The following SP6 variants were observed in gnomAD, a reference collection of about 807,000 sequenced individuals.
SP6 encodes the protein Sp6 transcription factor, also known as transcription factor Sp6.
In SP6, 10 loss-of-function variants were observed where a neutral mutation model predicts 23.4. That is an observed-to-expected ratio of 0.43 (90% confidence interval 0.26 to 0.72). The LOEUF (loss-of-function observed/expected upper bound fraction) is 0.72. Ranked by LOEUF, SP6 falls within the 30% of genes least tolerant of loss-of-function variation. The pLI, the probability that SP6 is intolerant of heterozygous loss-of-function variation, is 0.23. For missense variants in SP6, 482 were observed against 523.8 expected, an observed-to-expected ratio of 0.92 and a Z score of 0.78; for synonymous variants, 238 against 238.7, an observed-to-expected ratio of 1.00 and a Z score of 0.03.
chr17:47,858,767 C>CTTTTTT (rs36092685), upstream of SP6, among the ~76,000 whole-genome samples: 144 of 92,662 alleles, frequency 1.6e-3, 40 homozygotes, highest in South Asian at 3.1e-3. Context: ...GATGAAGCAT[C>CTTTTTT]TTTTTTTTTT....
the SP6 span, among the ~76,000 whole-genome samples, chr17:47,873,090 G>A: frequency 7.2e-4 from 110 of 152,338 alleles, no homozygotes; most frequent in African/African-American, 2.6e-3. Flanking sequence ...CAGAGCTCTG[G>A]CCTAGACCTG....
chr17:47,844,991 G>C lies in SP6; in HGVS notation c.*2308C>G, dbSNP rs556958939. On this transcript the variant is annotated 3_prime_UTR_variant, in exon 2 of 2. Transcript: ENST00000536300. ...ACCCCCTCAAAGTGAGTTCACAGCA[G>C]TTAAAGAAAAAATAAATTCCTACAT... 3 of 152,694 alleles carry C rather than the reference G, an allele frequency of 2.0e-5. No homozygotes were observed. The South Asian group carries it at 6.2e-4, about 32-fold the overall frequency. The allele number at this position is 152,694 out of a possible 1,614,324, so 9.5% of individuals were successfully genotyped here.
chr17:47,845,588 G>T lies in SP6; in HGVS notation c.*1711C>A, dbSNP rs1463694474. The T allele has an allele frequency of 2.0e-5, 3 of 152,492 alleles. No homozygotes were observed. Among genetic ancestry groups the T allele is most frequent in the East Asian group, 3.9e-4 (2 of 5,184 alleles). 9.4% of individuals were successfully genotyped at this position (152,492 alleles called of 1,614,324 possible). A position where few individuals can be genotyped will look rare whatever the true frequency, so the allele number is the denominator to read the frequency against. On this transcript the variant is annotated 3_prime_UTR_variant, in exon 2 of 2. Coordinates refer to ENST00000536300, the MANE Select transcript of SP6 (RefSeq NM_001258248.2). ...TGGCTGGGCTCCAGCATCTACAAAG[G>T]AGGAAGAGATGCTGGGCCCAGATCC... is the stretch of plus-strand genomic sequence containing the variant.
the SP6 span, among the ~76,000 whole-genome samples, chr17:47,865,933 C>T: frequency 1.3e-5 from 2 of 152,178 alleles, no homozygotes; most frequent in Non-Finnish European, 2.9e-5. Context: ...CTCCCCACCC[C>T]ATCTACCCCA....
chr17:47,860,016 A>C (rs2034024522), upstream of SP6, among the ~76,000 whole-genome samples: 1 of 152,162 alleles, frequency 6.6e-6, no homozygotes, highest in South Asian at 2.1e-4. Flanking sequence ...GTCGTGCCTC[A>C]GCTCAAAAAC....
Position 47,847,092 on chromosome 17 carries a change from A to G in SP6, c.*207T>C, listed in dbSNP as rs1598057653. Reference sequence around the variant, plus strand: ...AACAGAGGGGCATTGCGCAGCTCCTACCGACCCAGTCAAATTCATCCTGCC... The same window carrying G: ...AACAGAGGGGCATTGCGCAGCTCCTGCCGACCCAGTCAAATTCATCCTGCC... On this transcript the variant is annotated 3_prime_UTR_variant, in exon 2 of 2. Coordinates refer to ENST00000536300, the MANE Select transcript of SP6 (RefSeq NM_001258248.2). 8 of 599,662 alleles carry G rather than the reference A, an allele frequency of 1.3e-5. No homozygotes were observed. The South Asian group carries it at 1.7e-4, about 13-fold the overall frequency. 37.1% of individuals were successfully genotyped at this position (599,662 alleles called of 1,614,324 possible).
chr17:47,846,968 T>TG lies in SP6; in HGVS notation c.*330dup. 1 of 277,864 alleles carries TG rather than the reference T, an allele frequency of 3.6e-6. No individual in the cohort carries two copies. Among genetic ancestry groups the TG allele is most frequent in the African/African-American group, 2.2e-5 (1 of 45,500 alleles). 17.2% of individuals were successfully genotyped at this position (277,864 alleles called of 1,614,324 possible). Reference sequence around the variant, plus strand: ...TCTCTCTGCTCCGGGGACTGGGACTTGCTGTCTCCTCTAGCCTGTCCCCGC... The same window carrying TG: ...TCTCTCTGCTCCGGGGACTGGGACTTGGCTGTCTCCTCTAGCCTGTCCCCGC... On this transcript the variant is annotated 3_prime_UTR_variant, in exon 2 of 2. Coordinates refer to ENST00000536300, the MANE Select transcript of SP6 (RefSeq NM_001258248.2).
the SP6 span, among the ~76,000 whole-genome samples, chr17:47,873,844 T>TTTCCTCCTCCTCCTCCTCTTCTTC: frequency 6.5e-5 from 9 of 138,112 alleles, no homozygotes; most frequent in Admixed American, 6.5e-4. Context: ...TCCTTCTTGC[T>TTTCCTCCTCCTCCTCCTCTTCTTC]TTCCTCCTCC....
Position 47,848,231 on chromosome 17 carries a change from A to G in SP6, c.199T>C (p.Tyr67His). ...LGPEVDFSQG[Y>H]ELPGASSRVT... is the part of the protein sequence containing the mutation. ...CGCGAGGAGGCCCCTGGCAGCTCAT[A>G]GCCCTGCGAGAAGTCCACCTCCGGG... The change falls in exon 2 of 2, where the codon TAT becomes CAT. Residue 67 changes from tyrosine (Y) to histidine (H), a missense_variant. Tyr to His is a moderately conservative substitution (Grantham distance 83, BLOSUM62 2). Transcript: ENST00000536300. This position sits in a 1 kb window ranked among gnomAD's most constrained non-coding sequence, Gnocchi z 5.3. 1 of 1,612,210 alleles carries G rather than the reference A, an allele frequency of 6.2e-7. No homozygotes were observed. The highest frequency in any genetic ancestry group is 8.5e-7 in the Non-Finnish European group (1 of 1,179,294).
the SP6 span, among the ~76,000 whole-genome samples, chr17:47,869,036 G>T: frequency 6.6e-6 from 1 of 152,222 alleles, no homozygotes; most frequent in Non-Finnish European, 1.5e-5. Context: ...CAGACCCCAG[G>T]GGCGTGAGCC....
chr17:47,863,762 G>A, the SP6 span, among the ~76,000 whole-genome samples: 2 of 129,662 alleles, frequency 1.5e-5, no homozygotes, highest in African/African-American at 6.1e-5. Context: ...TTTTTGAGAT[G>A]GAGTCTCGCT....
upstream of SP6, among the ~76,000 whole-genome samples, chr17:47,856,508 G>C (rs559040520): frequency 6.6e-6 from 1 of 152,170 alleles, no homozygotes; most frequent in Non-Finnish European, 1.5e-5. Context: ...CTGGAAAAGG[G>C]AGAAGGGGCC....
Position 47,848,458 on chromosome 17 carries a change from G to A in SP6, c.-29C>T. The stretch of plus-strand genomic sequence containing the variant: ...CGGGATCCGGGGTGGGGTGAGGGCA[G>A]GGACGGTCAGGGGCACCTCAGACGG... On this transcript the variant is annotated 5_prime_UTR_variant, in exon 2 of 2. Transcript: ENST00000536300. This position sits in a 1 kb window ranked among gnomAD's most constrained non-coding sequence, Gnocchi z 5.3. 1 of 1,472,280 alleles carries A rather than the reference G, an allele frequency of 6.8e-7. No individual in the cohort carries two copies. Among genetic ancestry groups the A allele is most frequent in the Non-Finnish European group, 9.0e-7 (1 of 1,108,624 alleles). The allele number at this position is 1,472,280 out of a possible 1,614,324, so 91.2% of individuals were successfully genotyped here.
chr17:47,866,723 C>T, the SP6 span, among the ~76,000 whole-genome samples: 1 of 152,172 alleles, frequency 6.6e-6, no homozygotes, highest in South Asian at 2.1e-4. Context: ...CCACCCAACC[C>T]GCTGATCGGC....
chr17:47,875,811 C>T, the SP6 span, among the ~76,000 whole-genome samples: 1 of 152,186 alleles, frequency 6.6e-6, no homozygotes, highest in Admixed American at 6.5e-5. Flanking sequence ...GCCCTTAGAC[C>T]TCCTTTAACT....
At chr17:47,868,472 C>T in the SP6 span, among the ~76,000 whole-genome samples, 2 of 152,174 alleles carry the variant, frequency 1.3e-5, no homozygotes, top group Non-Finnish European at 2.9e-5. Flanking sequence ...GTGGGGGGCA[C>T]TGAGCCTTCC....
At chr17:47,849,181 C>T (rs772832727) in intron 1 of SP6, among the ~76,000 whole-genome samples, 3 of 152,068 alleles carry the variant, frequency 2.0e-5, no homozygotes, top group African/African-American at 7.2e-5. Flanking sequence ...CCACCAGATA[C>T]CCCTGGAATC....
chr17:47,863,813 A>C, the SP6 span, among the ~76,000 whole-genome samples: 2 of 140,950 alleles, frequency 1.4e-5, no homozygotes, highest in Admixed American at 1.5e-4. Flanking sequence ...ATCTCGGCTC[A>C]CTGCAAGCTC....
chr17:47,871,584 C>T, the SP6 span, among the ~76,000 whole-genome samples: 4 of 151,894 alleles, frequency 2.6e-5, no homozygotes, highest in African/African-American at 9.7e-5. Context: ...GTGTTCCTGC[C>T]TCTGTATCCC....
Sources: gnomAD v4.1 joint callset for allele counts (sites outside exome capture counted in the v4.1 genomes callset) on GRCh38, gnomAD v4.1.1 for gene constraint, Gnocchi (gnomAD v3.1) non-coding constraint, MANE v1.5 for transcripts, NCBI Gene and HGNC (gene_info 2026-07-23, HGNC 2026-07-21) for gene names.